Variants in CAPN13 observed in about 807,000 individuals in gnomAD.
CAPN13 encodes the protein calpain-13.
Under a neutral mutation model 98.4 loss-of-function variants are expected in CAPN13, and 90 were observed. The ratio of observed to expected loss-of-function variants is 0.92; its 90% CI spans 0.77 to 1.09. The LOEUF is 1.09. CAPN13 is among the 50% of genes least tolerant of loss of function. The pLI is 0.00. For synonymous variants in CAPN13, 330 were observed against 305.5 expected (o/e 1.08, Z -0.84); for missense variants, 887 against 841.3 (o/e 1.05, Z -0.67).
intron 5 of CAPN13, among the ~76,000 whole-genome samples, chr2:30,766,286 C>T (rs548208007): frequency 1.5e-4 from 23 of 152,340 alleles, no homozygotes; most frequent in African/African-American, 4.8e-4. Flanking sequence ...CCCCACCTGA[C>T]GTCCTGCACC....
chr2:30,779,254 A>G (rs1673863774), intron 2 of CAPN13, among the ~76,000 whole-genome samples: 1 of 152,210 alleles, frequency 6.6e-6, no homozygotes, highest in Admixed American at 6.5e-5. Flanking sequence ...ATTCAGACAG[A>G]CCTGTTGTGC....
chr2:30,802,519 G>A (rs1396411111), intron 1 of CAPN13, among the ~76,000 whole-genome samples: 1 of 140,536 alleles, frequency 7.1e-6, no homozygotes, highest in Admixed American at 7.1e-5. Context: ...CTAAGTGAGT[G>A]AGTGAAGCAG....
At chr2:30,742,271 T>C (rs1030182172) in intron 14 of CAPN13, 55 bp downstream of exon 14, 6 of 1,569,418 alleles carry the variant, frequency 3.8e-6, no homozygotes, top group Admixed American at 3.7e-5. Flanking sequence ...CGGAAGCTCT[T>C]GGGGATGGGA....
In CAPN13 at chr2:30,764,307, C is replaced by A. The variant is rs1298187594; in HGVS notation, c.525-1G>T. 1 of 1,613,276 alleles carries A rather than the reference C, an allele frequency of 6.2e-7. No homozygotes were observed. Among genetic ancestry groups the A allele is most frequent in the African/African-American group, 1.3e-5 (1 of 75,040 alleles). On this transcript the variant is annotated splice_acceptor_variant, in intron 5 of 22. Coordinates refer to ENST00000295055, the MANE Select transcript of CAPN13 (RefSeq NM_144575.3). LOFTEE classifies it high-confidence loss of function. ...CAGATCGGAATAGGATCCGAGCAGC[C>A]TGGGAGGGAATGGGGGATGAACCAT... is the stretch of plus-strand genomic sequence containing the variant.
chr2:30,731,441 G>C (rs1671090489), intron 20 of CAPN13, 42 bp from the exon 21 acceptor site: 2 of 1,574,756 alleles, frequency 1.3e-6, no homozygotes, highest in East Asian at 4.6e-5. Context: ...TGAGGAGGAA[G>C]GAATCCAGGC....
chr2:30,772,886 G>A (rs555726266), intron 4 of CAPN13, among the ~76,000 whole-genome samples: 1 of 151,934 alleles, frequency 6.6e-6, no homozygotes, highest in South Asian at 2.1e-4. Context: ...TAGTGCAGTG[G>A]CATGATCTCG....
intron 2 of CAPN13, among the ~76,000 whole-genome samples, chr2:30,785,114 A>T (rs1558338021): frequency 6.6e-6 from 1 of 152,206 alleles, no homozygotes; most frequent in Non-Finnish European, 1.5e-5. Flanking sequence ...GCACATGTAG[A>T]TAGGGTCCTT....
chr2:30,729,673 T>G (rs1670991775), intron 22 of CAPN13: 1 of 152,206 alleles, frequency 6.6e-6, no homozygotes, highest in South Asian at 2.1e-4. Context: ...TTGCGATCAT[T>G]AGAAAGCATC....
At chr2:30,732,663 A>G (rs1361143378) in intron 19 of CAPN13, 97 bp from the exon 20 acceptor site, 1 of 1,452,168 alleles carries the variant, frequency 6.9e-7, no homozygotes, top group African/African-American at 1.4e-5. Flanking sequence ...GGGCCCGGCC[A>G]CCTCCCACCA....
At chr2:30,802,449 ATGTGTGTGTGTGTATGTG>A (rs1675334336) in intron 1 of CAPN13, among the ~76,000 whole-genome samples, 2 of 133,302 alleles carry the variant, frequency 1.5e-5, no homozygotes, top group South Asian at 5.2e-4. Flanking sequence ...GGAGCTTAGA[ATGTGTGTGTGTGTATGTG>A]TGTGTGTGTG....
chr2:30,724,477 G>A (rs1670790361), intron 22 of CAPN13, among the ~76,000 whole-genome samples: 1 of 152,148 alleles, frequency 6.6e-6, no homozygotes, highest in Admixed American at 6.6e-5. Flanking sequence ...GCTGCATAGC[G>A]CTGGTCCTTG....
At chr2:30,744,146 C>T (rs971019932) in intron 12 of CAPN13, among the ~76,000 whole-genome samples, 7 of 152,196 alleles carry the variant, frequency 4.6e-5, no homozygotes, top group Non-Finnish European at 7.3e-5. Flanking sequence ...TACCAGATGT[C>T]ACATACATAT....
intron 15 of CAPN13, 37 bp from the exon 16 acceptor site, chr2:30,738,494 AG>A: frequency 6.4e-7 from 1 of 1,574,786 alleles, no homozygotes; most frequent in Non-Finnish European, 8.6e-7. Flanking sequence ...GAATTATATC[AG>A]TGCCAGGATC....
chr2:30,738,164 A>G, intron 17 of CAPN13, 71 bp downstream of exon 17: 1 of 1,552,560 alleles, frequency 6.4e-7, no homozygotes, highest in South Asian at 1.1e-5. Flanking sequence ...TACTGTCCTA[A>G]TTAGGTCTCT....
Position 30,787,131 on chromosome 2 carries a change from T to TG in CAPN13, c.194dup (p.Gln66ThrfsTer14), listed in dbSNP as rs1482520951. 1 of 1,558,684 alleles carries TG rather than the reference T, an allele frequency of 6.4e-7. No individual in the cohort carries two copies. The highest frequency in any genetic ancestry group is 8.7e-7 in the Non-Finnish European group (1 of 1,151,882). ...TGCTCGTGTGGGGCTCACTCACCTG[T>TG]GGCCGCTTCCATATCACATTGGAGA... On this transcript the variant is annotated frameshift_variant, in exon 2 of 23. Transcript: ENST00000295055. LOFTEE classifies it high-confidence loss of function.
chr2:30,800,089 G>GA (rs1403778282), intron 1 of CAPN13, among the ~76,000 whole-genome samples: 6 of 128,826 alleles, frequency 4.7e-5, no homozygotes, highest in African/African-American at 1.8e-4. Flanking sequence ...AAGAAAGAAA[G>GA]AAAGAAAAGA....
At chr2:30,740,338 C>G (rs1671594058) in intron 15 of CAPN13, among the ~76,000 whole-genome samples, 2 of 152,192 alleles carry the variant, frequency 1.3e-5, no homozygotes, top group Non-Finnish European at 2.9e-5. Context: ...CCCGATCCAC[C>G]TGCCTTGGCC....
chr2:30,800,183 A>G (rs1009099528), intron 1 of CAPN13, among the ~76,000 whole-genome samples: 5 of 151,988 alleles, frequency 3.3e-5, no homozygotes, highest in Non-Finnish European at 7.4e-5. Context: ...AAAGAAAGAA[A>G]GAAAGAAAAC....
chr2:30,774,364 T>A (rs914036337), intron 4 of CAPN13, among the ~76,000 whole-genome samples: 1 of 151,920 alleles, frequency 6.6e-6, no homozygotes, highest in Non-Finnish European at 1.5e-5. Context: ...AATCAAAAGT[T>A]GATTTGTCAA....
Sources: allele counts gnomAD v4.1 joint callset (sites outside exome capture counted in the v4.1 genomes callset), GRCh38; gene constraint gnomAD v4.1.1; transcripts MANE v1.5; gene names NCBI Gene and HGNC (gene_info 2026-07-23, HGNC 2026-07-21).